PPRC1: variants seen among roughly 807,000 people sequenced by gnomAD.
PPRC1 encodes peroxisome proliferator-activated receptor gamma coactivator-related protein 1.
PPRC1 carries 23 observed loss-of-function variants against 132.5 expected under a neutral mutation model. That is an observed-to-expected ratio of 0.17 (90% confidence interval 0.12 to 0.25). PPRC1 has a LOEUF of 0.25. Among genes scored for constraint, PPRC1 ranks in the 10% least tolerant of loss-of-function variants. The pLI is 1.00. For missense variants in PPRC1, 2,006 were observed against 2,089.1 expected (o/e 0.96, Z 0.78); for synonymous variants, 872 against 833.5 (o/e 1.05, Z -0.80).
the PPRC1 span, among the ~76,000 whole-genome samples, chr10:102,121,508 A>G: frequency 6.6e-6 from 1 of 152,008 alleles, no homozygotes; most frequent in East Asian, 1.9e-4. Context: ...TCACACTTCA[A>G]GGACTCCCCA....
chr10:102,143,878 A>T (rs916813143), intron 6 of PPRC1, among the ~76,000 whole-genome samples: 14 of 152,250 alleles, frequency 9.2e-5, no homozygotes, highest in Non-Finnish European at 2.9e-5. Flanking sequence ...ACTGGGGAGA[A>T]GAATCTACAG....
In PPRC1 at chr10:102,141,617, C is replaced by G. The variant is rs753823840; in HGVS notation, c.3109C>G (p.Pro1037Ala). The change falls in exon 5 of 14, where the codon CCC becomes GCC. Residue 1037 changes from proline (P) to alanine (A), a missense_variant. By Grantham distance (27) the Pro-to-Ala change is conservative (BLOSUM62 -1). This residue lies in a region of PPRC1 where 1,914 missense variants were observed against 1,917.2 expected (regional missense o/e 1.00). Coordinates refer to ENST00000278070, the MANE Select transcript of PPRC1 (RefSeq NM_015062.5). The stretch of plus-strand genomic sequence containing the variant: ...TGTACTTCCCTTGTCGATGGCTCCT[C>G]CCCTCAGTCTTGGGCTACCTGGCCA... ...ENVLPLSMAP[P>A]LSLGLPGHGA... The G allele has an allele frequency of 1.9e-6, 3 of 1,614,182 alleles. No homozygotes were observed. The highest frequency in any genetic ancestry group is 1.7e-6 in the Non-Finnish European group (2 of 1,180,036).
the PPRC1 span, among the ~76,000 whole-genome samples, chr10:102,125,564 A>G: frequency 6.6e-6 from 1 of 151,796 alleles, no homozygotes; most frequent in African/African-American, 2.4e-5. Context: ...AGCCACTTTT[A>G]GTATTTTTCA....
intron 5 of PPRC1, among the ~76,000 whole-genome samples, chr10:102,142,559 C>T (rs555747836): frequency 2.1e-4 from 32 of 150,584 alleles, no homozygotes; most frequent in African/African-American, 7.6e-4. Context: ...GCTGGGATTA[C>T]AGGCACTCAC....
intron 12 of PPRC1, 89 bp downstream of exon 12, chr10:102,149,027 C>A: frequency 6.4e-7 from 1 of 1,567,210 alleles, no homozygotes; most frequent in Non-Finnish European, 8.6e-7. Flanking sequence ...CTCTGGTGTG[C>A]TGAGCAATAT....
At chr10:102,142,775 G>A (rs2069052430) in intron 5 of PPRC1, among the ~76,000 whole-genome samples, 1 of 152,080 alleles carries the variant, frequency 6.6e-6, no homozygotes, top group African/African-American at 2.4e-5. Flanking sequence ...GAACTCCTGG[G>A]CTCAAGTGGT....
rs373204437 is a variant in PPRC1 at position 102,138,645 on chromosome 10, T to A, written c.369T>A (p.Asn123Lys). The change falls in exon 3 of 14, where the codon AAT becomes AAA. Residue 123 changes from asparagine (N) to lysine (K), a missense_variant. By Grantham distance (94) the Asn-to-Lys change is moderately conservative. Around this residue, in one of 2 missense-constraint regions of PPRC1, gnomAD observed 1,914 missense variants for 1,917.2 expected, o/e 1.00. Transcript: ENST00000278070. ...GCAGGTTATCTCTGGAGGACCAGAA[T>A]GAAGTGTCGCTGCTCACGGCTCTGA... ...GESRLSLEDQNEVSLLTALTE... is the reference protein window; with the variant it reads ...GESRLSLEDQKEVSLLTALTE... 9 of 1,614,056 alleles carry A rather than the reference T, an allele frequency of 5.6e-6. No individual in the cohort carries two copies. Among genetic ancestry groups the A allele is most frequent in the Non-Finnish European group, 7.6e-6 (9 of 1,180,046 alleles).
upstream of PPRC1, among the ~76,000 whole-genome samples, chr10:102,128,436 A>C (rs1295994417): frequency 2.7e-5 from 4 of 149,116 alleles, no homozygotes; most frequent in African/African-American, 4.9e-5. Flanking sequence ...GAGCCACCGC[A>C]CCCCGCCCCT....
rs558820274 is a variant in PPRC1 at position 102,144,437 on chromosome 10, C to A, written c.3608+130C>A. 28 of 861,290 alleles carry A rather than the reference C, an allele frequency of 3.3e-5. No homozygotes were observed. In the East Asian group the frequency reaches 7.1e-4, roughly 22 times the overall value. The allele number at this position is 861,290 out of a possible 1,614,324, so 53.4% of individuals were successfully genotyped here. A position where few individuals can be genotyped will look rare whatever the true frequency, so the allele number is the denominator to read the frequency against. ...CAGCTCTAGAGTCTTTCCCTGTTTC[C>A]CCACCCCTTACTCTGCCTATCACTA... is the stretch of plus-strand genomic sequence containing the variant. On this transcript the variant is annotated intron_variant, in intron 7 of 13. Coordinates refer to ENST00000278070, the MANE Select transcript of PPRC1 (RefSeq NM_015062.5).
the PPRC1 span, among the ~76,000 whole-genome samples, chr10:102,120,823 C>A: frequency 2.6e-5 from 4 of 152,016 alleles, no homozygotes; most frequent in African/African-American, 9.7e-5. Flanking sequence ...GGAGGCGGAG[C>A]CGGGGTGGGC....
rs138174502 is a variant in PPRC1, at chr10:102,137,181, A to G, written c.154-669A>G. 9.8e-3 allele frequency among the ~76,000 whole-genome samples: 1,491 copies of G among 152,302 alleles called. 14 individuals carry two copies. Among genetic ancestry groups the G allele is most frequent in the African/African-American group, 0.034 (1,428 of 41,546 alleles). ...AGGTGAAACCCTGTCTCTACTAAAA[A>G]TACAAAAATTAGCTGGGCGTGGTGG... is the stretch of plus-strand genomic sequence containing the variant. On this transcript the variant is annotated intron_variant, in intron 1 of 13. Coordinates refer to ENST00000278070, the MANE Select transcript of PPRC1 (RefSeq NM_015062.5).
Position 102,149,345 on chromosome 10 carries a change from G to A in PPRC1, c.4891+16G>A. The A allele has an allele frequency of 3.2e-6, 5 of 1,557,760 alleles. No individual in the cohort carries two copies. In the South Asian group the frequency reaches 6.0e-5, roughly 19 times the overall value. On this transcript the variant is annotated intron_variant, in intron 13 of 13. Transcript: ENST00000278070. ...TCTGATCTTGGTGAGTGGAGGGAGG[G>A]CCTAAAGCTTTGGAATGCTTCATCC...
the PPRC1 span, among the ~76,000 whole-genome samples, chr10:102,121,143 G>C: frequency 1.3e-5 from 2 of 152,174 alleles, no homozygotes; most frequent in South Asian, 2.1e-4. Flanking sequence ...GTTTTGCTGG[G>C]GGGAGGGGGC....
upstream of PPRC1, chr10:102,132,920 T>C (rs964852988): frequency 2.6e-6 from 3 of 1,154,354 alleles, no homozygotes; most frequent in Non-Finnish European, 3.3e-6. Flanking sequence ...GGCCAGGGCC[T>C]TCTTCCAGGG....
chr10:102,146,727 C>G lies in PPRC1; in HGVS notation c.3735C>G (p.Val1245=). ...AGTTATGGAAGCCCCTGGCTGCTGT[C>G]TCACTGCTGGCCAAAGCCAAATCTC... ...PHQLWKPLAA[V]SLLAKAKSPK... Residue 1245 remains valine (V), a synonymous_variant, in exon 9 of 14, where the codon GTC becomes GTG. Coordinates refer to ENST00000278070, the MANE Select transcript of PPRC1 (RefSeq NM_015062.5). The G allele has an allele frequency of 6.2e-7, 1 of 1,613,960 alleles. No homozygotes were observed. Among genetic ancestry groups the G allele is most frequent in the Non-Finnish European group, 8.5e-7 (1 of 1,179,934 alleles).
upstream of PPRC1, chr10:102,132,985 T>G: frequency 8.1e-7 from 1 of 1,232,516 alleles, no homozygotes. Context: ...GCAGTGTCAT[T>G]CGGGAGTTGT....
rs745542253 is a variant in PPRC1, at chr10:102,141,975, A to T, written c.3467A>T (p.Asp1156Val). 3 of 1,613,136 alleles carry T rather than the reference A, an allele frequency of 1.9e-6. No individual in the cohort carries two copies. The highest frequency in any genetic ancestry group is 2.7e-5 in the African/African-American group (2 of 75,034). The change falls in exon 5 of 14, where the codon GAT (aspartate) becomes GTT (valine). Residue 1156 changes from aspartate to valine, a missense_variant. Physicochemically the swap from Asp to Val is radical, Grantham distance 152 (BLOSUM62 -3). Coordinates refer to ENST00000278070, the MANE Select transcript of PPRC1 (RefSeq NM_015062.5). ...ACCCCACGTACTCAGGGTTCTGAAG[A>T]TGTGGTACAGGCTTTCATCAGTGAG... ...LPTPRTQGSE[D>V]VVQAFISEIG...
In PPRC1 at chr10:102,150,050, T is replaced by C; in HGVS notation, c.*21T>C. ...GGTAACCTTGGGCCCTTCCCTGCTA[T>C]CCTTTTTCTCCTTTGGAGGTGCCCA... On this transcript the variant is annotated 3_prime_UTR_variant, in exon 14 of 14. Transcript: ENST00000278070. The C allele has an allele frequency of 6.4e-7, 1 of 1,573,046 alleles. No individual in the cohort carries two copies. Among genetic ancestry groups the C allele is most frequent in the Non-Finnish European group, 8.8e-7 (1 of 1,142,720 alleles).
At chr10:102,144,565 T>C (rs758619709) in intron 7 of PPRC1, 2 of 549,064 alleles carry the variant, frequency 3.6e-6, no homozygotes, top group Non-Finnish European at 6.4e-6. Context: ...TTTTATCTCC[T>C]GGCAAGTCAT....
Sources: allele counts gnomAD v4.1 joint callset (sites outside exome capture counted in the v4.1 genomes callset), GRCh38; gene constraint gnomAD v4.1.1; regional missense constraint gnomAD v4.1.1; transcripts MANE v1.5; gene names NCBI Gene and HGNC (gene_info 2026-07-23, HGNC 2026-07-21).